The following KSR2 variants were observed in gnomAD, a reference collection of about 807,000 sequenced individuals.
The protein encoded by KSR2 is kinase suppressor of ras 2.
KSR2 carries 25 observed loss-of-function variants against 107.8 expected under a neutral mutation model. The ratio of observed to expected loss-of-function variants is 0.23; its 90% confidence interval spans 0.17 to 0.32. The LOEUF is 0.32. Ranked by LOEUF, KSR2 falls within the 10% of genes least tolerant of loss-of-function variation. The pLI is 1.00. For missense variants in KSR2, 887 were observed against 1,268.9 expected, an observed-to-expected ratio of 0.70 and a Z score of 4.57; for synonymous variants, 480 against 507.0, an observed-to-expected ratio of 0.95 and a Z score of 0.71.
intron 14 of KSR2, among the ~76,000 whole-genome samples, chr12:117,504,771 T>C (rs1373557334): frequency 4.6e-5 from 7 of 152,212 alleles, no homozygotes; most frequent in Non-Finnish European, 8.8e-5. Context: ...TGTTAAAATT[T>C]CAGTAGCTTT....
At chr12:117,757,521 C>T (rs565939616) in intron 4 of KSR2, among the ~76,000 whole-genome samples, 43 of 152,292 alleles carry the variant, frequency 2.8e-4, no homozygotes, top group African/African-American at 5.5e-4. Flanking sequence ...GGCTATCAAA[C>T]GGCATCACAT....
intron 14 of KSR2, among the ~76,000 whole-genome samples, chr12:117,504,168 A>C (rs1181247633): frequency 1.3e-5 from 2 of 152,200 alleles, no homozygotes; most frequent in Non-Finnish European, 2.9e-5. Flanking sequence ...ACAGAAAATA[A>C]ATGTCCAGAG....
rs900876171 is a variant in KSR2 at position 117,459,616 on chromosome 12, G to A, written c.*7583C>T. The A allele has an allele frequency of 3.9e-5, 6 of 152,214 alleles. No homozygotes were observed. The highest frequency in any genetic ancestry group is 7.2e-5 in the African/African-American group (3 of 41,458). 9.4% of individuals were successfully genotyped at this position (152,214 alleles called of 1,614,324 possible). On this transcript the variant is annotated 3_prime_UTR_variant, in exon 20 of 20. Coordinates refer to ENST00000339824, the MANE Select transcript of KSR2 (RefSeq NM_173598.6). The stretch of plus-strand genomic sequence containing the variant: ...CTTGGTTGAAGATGAAAACTCAGGT[G>A]AAAACTTAACCCTTCTGAGGGTGTT...
intron 4 of KSR2, among the ~76,000 whole-genome samples, chr12:117,695,258 C>G (rs1886005435): frequency 6.6e-6 from 1 of 151,960 alleles, no homozygotes; most frequent in Non-Finnish European, 1.5e-5. Flanking sequence ...TTAATGGGTA[C>G]AGAGCTTTAG....
chr12:117,692,139 G>A (rs536808127), intron 4 of KSR2, among the ~76,000 whole-genome samples: 93 of 152,198 alleles, frequency 6.1e-4, no homozygotes, highest in African/African-American at 1.9e-3. Flanking sequence ...AACATATGGC[G>A]AACGGCACGA....
Position 117,471,308 on chromosome 12 carries a change from A to G in KSR2, c.2595T>C (p.Tyr865=), listed in dbSNP as rs377200062. The change falls in exon 18 of 20, where the codon TAT becomes TAC. Residue 865 remains tyrosine (Y), a synonymous_variant. Transcript: ENST00000339824. ...AAGGCCATTCCCTGGCGTGGAGTTC[A>G]TACCAGATTGTGCTGTTGGCAGACG... The part of the protein sequence containing the change: ...SDVFALGTIW[Y]ELHAREWPFK... The G allele has an allele frequency of 1.9e-5, 30 of 1,613,420 alleles. No individual in the cohort carries two copies. In the African/African-American group the frequency reaches 3.7e-4, roughly 20 times the overall value.
chr12:117,721,661 G>A (rs1015000485), intron 4 of KSR2, among the ~76,000 whole-genome samples: 3 of 152,194 alleles, frequency 2.0e-5, no homozygotes, highest in Non-Finnish European at 4.4e-5. Flanking sequence ...GATGGGTTGA[G>A]TTTTGGTCTT....
intron 4 of KSR2, among the ~76,000 whole-genome samples, chr12:117,706,398 G>T (rs1886532738): frequency 6.6e-6 from 1 of 152,150 alleles, no homozygotes; most frequent in African/African-American, 2.4e-5. Flanking sequence ...CACAGATGGA[G>T]AAACGGAGCC....
chr12:117,498,972 G>A (rs780472318), intron 14 of KSR2, among the ~76,000 whole-genome samples: 18 of 152,270 alleles, frequency 1.2e-4, no homozygotes, highest in Non-Finnish European at 1.9e-4. Context: ...ACTAAGATAC[G>A]CCTTTACCTG....
chr12:117,719,904 G>A (rs1183192797), intron 4 of KSR2, among the ~76,000 whole-genome samples: 6 of 152,254 alleles, frequency 3.9e-5, no homozygotes, highest in South Asian at 2.1e-4. Context: ...TGTTGGGGGC[G>A]AAGGGCAATG....
intron 4 of KSR2, among the ~76,000 whole-genome samples, chr12:117,715,257 A>T (rs1886934926): frequency 6.6e-6 from 1 of 152,196 alleles, no homozygotes; most frequent in Non-Finnish European, 1.5e-5. Flanking sequence ...AAACACCCTA[A>T]GTCGACCCAC....
At chr12:117,685,339 T>C (rs1197788469) in intron 4 of KSR2, among the ~76,000 whole-genome samples, 1 of 152,212 alleles carries the variant, frequency 6.6e-6, no homozygotes, top group African/African-American at 2.4e-5. Flanking sequence ...CCAGAGCTCG[T>C]GACAGCCCTC....
At chr12:117,492,387 T>C (rs575019783) in intron 14 of KSR2, among the ~76,000 whole-genome samples, 10 of 142,448 alleles carry the variant, frequency 7.0e-5, no homozygotes, top group Admixed American at 6.1e-4. Context: ...CCATGTCCTT[T>C]CCCTCCTCCA....
At chr12:117,489,778 C>G (rs1176047262) in intron 14 of KSR2, among the ~76,000 whole-genome samples, 1 of 152,110 alleles carries the variant, frequency 6.6e-6, no homozygotes. Flanking sequence ...AAGCTGGAGA[C>G]AAGTTCAAGA....
intron 4 of KSR2, among the ~76,000 whole-genome samples, chr12:117,723,482 G>T (rs1156244518): frequency 1.3e-5 from 2 of 152,070 alleles, no homozygotes; most frequent in Admixed American, 6.6e-5. Flanking sequence ...GAAAATGAAT[G>T]AATCATCCAT....
At chr12:117,818,387 A>G (rs1008907855) in intron 3 of KSR2, among the ~76,000 whole-genome samples, 1 of 152,190 alleles carries the variant, frequency 6.6e-6, no homozygotes, top group African/African-American at 2.4e-5. Context: ...GCCCTAGGGC[A>G]CATGGCTTAA....
intron 7 of KSR2, among the ~76,000 whole-genome samples, chr12:117,572,483 G>C (rs1878955869): frequency 6.6e-6 from 1 of 152,066 alleles, no homozygotes; most frequent in Non-Finnish European, 1.5e-5. Context: ...CAGTGACTGT[G>C]AGCATCTCGA....
intron 16 of KSR2, among the ~76,000 whole-genome samples, chr12:117,481,942 A>G (rs1339567918): frequency 6.6e-6 from 1 of 152,038 alleles, no homozygotes. Flanking sequence ...ATGGACCTGA[A>G]CCCCTGAGGG....
At chr12:117,556,405 A>C (rs1877697736) in intron 8 of KSR2, among the ~76,000 whole-genome samples, 1 of 152,184 alleles carries the variant, frequency 6.6e-6, no homozygotes, top group African/African-American at 2.4e-5. Context: ...TTCAGGTTTT[A>C]AGATAGCCTC....
Sources: gnomAD v4.1 joint callset for allele counts (sites outside exome capture counted in the v4.1 genomes callset) on GRCh38, gnomAD v4.1.1 for gene constraint, MANE v1.5 for transcripts, NCBI Gene and HGNC (gene_info 2026-07-23, HGNC 2026-07-21) for gene names.